The following MGAT5 variants were observed in gnomAD, a reference collection of about 807,000 sequenced individuals.
MGAT5 encodes the protein alpha-1,6-mannosylglycoprotein 6-beta-N-acetylglucosaminyltransferase A.
A neutral mutation model predicts 94.3 loss-of-function variants in MGAT5; 30 were observed. That is an observed-to-expected ratio of 0.32 (90% CI 0.24 to 0.43). The LOEUF (loss-of-function observed/expected upper bound fraction) is 0.43, where lower values mean the gene tolerates loss of function less well. MGAT5 is among the 20% of genes least tolerant of loss of function. The pLI is 1.00. For synonymous variants in MGAT5, 310 were observed against 322.9 expected (o/e 0.96, Z 0.43); for missense variants, 691 against 905.5 (o/e 0.76, Z 3.04).
At chr2:134,259,670 C>T (rs900752223) in intron 1 of MGAT5, among the ~76,000 whole-genome samples, 3 of 152,190 alleles carry the variant, frequency 2.0e-5, no homozygotes, top group Non-Finnish European at 4.4e-5. Flanking sequence ...TTCTTCCCTA[C>T]GTTCTGCCTG....
intron 1 of MGAT5, among the ~76,000 whole-genome samples, chr2:134,175,338 A>C (rs567731439): frequency 1.9e-4 from 29 of 152,306 alleles, no homozygotes; most frequent in South Asian, 2.1e-4. Context: ...ATGTCTTATT[A>C]ACTTTGGAAG....
At chr2:134,371,231 G>A (rs1176906967) in intron 10 of MGAT5, among the ~76,000 whole-genome samples, 2 of 152,172 alleles carry the variant, frequency 1.3e-5, no homozygotes, top group African/African-American at 2.4e-5. Context: ...TGCCCTCTGG[G>A]TCTCACTTTC....
At chr2:134,284,696 T>C (rs1452613635) in intron 2 of MGAT5, among the ~76,000 whole-genome samples, 1 of 152,168 alleles carries the variant, frequency 6.6e-6, no homozygotes, top group Non-Finnish European at 1.5e-5. Flanking sequence ...AGAACAGTTA[T>C]CTCAATTTAA....
At chr2:134,227,938 A>T (rs542545246) in intron 1 of MGAT5, among the ~76,000 whole-genome samples, 51 of 152,316 alleles carry the variant, frequency 3.3e-4, no homozygotes, top group African/African-American at 1.2e-3. Flanking sequence ...CCTGCCAGAC[A>T]TTAGGTAGAC....
intron 1 of MGAT5, among the ~76,000 whole-genome samples, chr2:134,192,565 G>T (rs955257064): frequency 6.6e-6 from 1 of 152,066 alleles, no homozygotes; most frequent in Non-Finnish European, 1.5e-5. Context: ...AAAAATCCTC[G>T]TATTATTGTA....
intron 10 of MGAT5, among the ~76,000 whole-genome samples, chr2:134,367,591 T>A (rs1680514776): frequency 6.6e-6 from 1 of 152,248 alleles, no homozygotes; most frequent in African/African-American, 2.4e-5. Flanking sequence ...ACCCCTGAAT[T>A]ATGCCACGTC....
At chr2:134,150,502 T>A (rs1479895150) in intron 1 of MGAT5, among the ~76,000 whole-genome samples, 1 of 152,190 alleles carries the variant, frequency 6.6e-6, no homozygotes, top group Non-Finnish European at 1.5e-5. Context: ...CCTCCCTTGC[T>A]TCTTCTGACA....
At chr2:134,445,867 G>C (rs1023648600) in intron 15 of MGAT5, among the ~76,000 whole-genome samples, 5 of 152,324 alleles carry the variant, frequency 3.3e-5, no homozygotes, top group South Asian at 2.1e-4. Flanking sequence ...TGCAGAGGCT[G>C]TCTGGTCTCC....
chr2:134,189,602 G>GTTTTGTTTTGTTTTTTTTTTTTTTTTTT (rs1553490380), intron 1 of MGAT5, among the ~76,000 whole-genome samples: 12 of 84,672 alleles, frequency 1.4e-4, no homozygotes, highest in Non-Finnish European at 2.1e-4. Flanking sequence ...GTTTTTTTTT[G>GTTTTGTTTTGTTTTTTTTTTTTTTTTTT]TTTTTTTTTT....
At chr2:134,395,001 G>T (rs141175641) in intron 10 of MGAT5, among the ~76,000 whole-genome samples, 2,452 of 152,288 alleles carry the variant, frequency 0.016, 41 homozygotes, top group Non-Finnish European at 0.02. Flanking sequence ...TGTGGTTACT[G>T]CCCAGATAGG....
rs146593702 is a variant in MGAT5, at chr2:134,190,024, A to G, written c.-142-64238A>G. On this transcript the variant is annotated intron_variant, in intron 1 of 16. Coordinates refer to the MGAT5 transcript ENST00000409645. ...TGCTTTTCTGAATTTGAGTCTTTGG[A>G]GAATGTGGTTTTAAAACTTTTCTGT... is the stretch of plus-strand genomic sequence containing the variant. Among the ~76,000 whole-genome samples, 11 of 152,242 alleles carry G rather than the reference A, an allele frequency of 7.2e-5. No individual in the cohort carries two copies. The East Asian group carries it at 2.1e-3, about 29-fold the overall frequency.
At chr2:134,400,391 A>C (rs1443246678) in intron 10 of MGAT5, among the ~76,000 whole-genome samples, 4 of 152,230 alleles carry the variant, frequency 2.6e-5, no homozygotes, top group Non-Finnish European at 5.9e-5. Context: ...CGTTTATGAA[A>C]TTGGTAAATC....
chr2:134,361,727 A>T (rs1680108769), intron 9 of MGAT5, among the ~76,000 whole-genome samples: 1 of 152,202 alleles, frequency 6.6e-6, no homozygotes. Context: ...ATATAGACCC[A>T]TAATTACATC....
intron 1 of MGAT5, among the ~76,000 whole-genome samples, chr2:134,190,542 C>T (rs78957628): frequency 0.021 from 3,247 of 152,302 alleles, 108 homozygotes; most frequent in African/African-American, 0.075. Context: ...TGTAGACTAG[C>T]ATTACTCCAA....
intron 2 of MGAT5, among the ~76,000 whole-genome samples, chr2:134,292,500 C>T (rs759199773): frequency 8.5e-5 from 13 of 152,134 alleles, no homozygotes; most frequent in Non-Finnish European, 1.9e-4. Context: ...CTGCTGCTAA[C>T]GGAAGGTTTA....
chr2:134,360,064 T>A (rs1329033324), intron 9 of MGAT5, among the ~76,000 whole-genome samples: 1 of 152,194 alleles, frequency 6.6e-6, no homozygotes, highest in Non-Finnish European at 1.5e-5. Context: ...GGTGATACTG[T>A]TTGTAAATCT....
At chr2:134,345,892 CT>C (rs1452812391) in intron 8 of MGAT5, among the ~76,000 whole-genome samples, 1 of 151,848 alleles carries the variant, frequency 6.6e-6, no homozygotes, top group Non-Finnish European at 1.5e-5. Flanking sequence ...TTGTTGTTAT[CT>C]TGCATTTATG....
chr2:134,180,888 TCAAGG>T (rs1256750195), intron 1 of MGAT5, among the ~76,000 whole-genome samples: 2 of 152,208 alleles, frequency 1.3e-5, no homozygotes. Flanking sequence ...GTTTTTCTTT[TCAAGG>T]GGCACATTTT....
intron 1 of MGAT5, among the ~76,000 whole-genome samples, chr2:134,264,402 T>C (rs552717599): frequency 6.6e-6 from 1 of 152,368 alleles, no homozygotes; most frequent in South Asian, 2.1e-4. Flanking sequence ...ACTCCTGATA[T>C]TAATAGCTAG....
Sources: allele counts gnomAD v4.1 joint callset (sites outside exome capture counted in the v4.1 genomes callset), GRCh38; gene constraint gnomAD v4.1.1; transcripts MANE v1.5; gene names NCBI Gene and HGNC (gene_info 2026-07-23, HGNC 2026-07-21).